LGR4: variants seen among roughly 807,000 people sequenced by gnomAD.
The protein encoded by LGR4 is leucine rich repeat containing G protein-coupled receptor 4.
A neutral mutation model predicts 84.8 loss-of-function variants in LGR4; 44 were observed. That is an observed-to-expected ratio of 0.52 (90% CI 0.41 to 0.67). The LOEUF (loss-of-function observed/expected upper bound fraction) is 0.67. Among genes scored for constraint, LGR4 ranks in the 30% least tolerant of loss-of-function variants. The pLI, the probability that LGR4 is intolerant of heterozygous loss-of-function variation, is 0.00. For missense variants in LGR4, 1,032 were observed against 1,131.4 expected (o/e 0.91, Z 1.26); for synonymous variants, 429 against 434.3 (o/e 0.99, Z 0.15).
At chr11:27,455,051 C>G (rs986937848) in intron 1 of LGR4, among the ~76,000 whole-genome samples, 1 of 152,138 alleles carries the variant, frequency 6.6e-6, no homozygotes, top group Admixed American at 6.5e-5. Flanking sequence ...GTCTTTCTTT[C>G]TTTTTTCCAG....
chr11:27,395,721 T>G (rs1863377863), intron 2 of LGR4, among the ~76,000 whole-genome samples: 1 of 152,200 alleles, frequency 6.6e-6, no homozygotes, highest in Non-Finnish European at 1.5e-5. Context: ...AAACATATCC[T>G]GTGGAGCCTT....
intron 4 of LGR4, among the ~76,000 whole-genome samples, chr11:27,387,438 T>C (rs962502502): frequency 6.6e-6 from 1 of 152,154 alleles, no homozygotes; most frequent in Non-Finnish European, 1.5e-5. Flanking sequence ...AAGAAAAGTA[T>C]TTCTAAGGTG....
At chr11:27,415,340 C>T (rs1863795202) in intron 1 of LGR4, among the ~76,000 whole-genome samples, 1 of 152,070 alleles carries the variant, frequency 6.6e-6, no homozygotes, top group South Asian at 2.1e-4. Context: ...GATTAATTTC[C>T]TCATCAGAAA....
chr11:27,377,440 G>A (rs1237381208), intron 11 of LGR4, among the ~76,000 whole-genome samples: 2 of 151,710 alleles, frequency 1.3e-5, no homozygotes, highest in Non-Finnish European at 2.9e-5. Flanking sequence ...ATATATTGTT[G>A]AGCATAGACA....
intron 1 of LGR4, among the ~76,000 whole-genome samples, chr11:27,448,300 T>C (rs558992819): frequency 1.3e-5 from 2 of 151,678 alleles, no homozygotes; most frequent in East Asian, 1.9e-4. Flanking sequence ...CTTTTCTTTT[T>C]TTTTTTTTGA....
At chr11:27,373,832 A>C in intron 14 of LGR4, 143 bp downstream of exon 14, 1 of 981,028 alleles carries the variant, frequency 1.0e-6, no homozygotes, top group Non-Finnish European at 1.5e-6. Flanking sequence ...CCGTTTAAGA[A>C]GACTTTTACT....
At chr11:27,429,511 A>AGGGGAGGT (rs529212528) in intron 1 of LGR4, among the ~76,000 whole-genome samples, 2,003 of 151,440 alleles carry the variant, frequency 0.013, 22 homozygotes, top group Non-Finnish European at 0.02. Flanking sequence ...AGAAACAGGA[A>AGGGGAGGT]GGGGAGGTGG....
At chr11:27,445,052 G>A (rs1485637552) in intron 1 of LGR4, among the ~76,000 whole-genome samples, 1 of 148,334 alleles carries the variant, frequency 6.7e-6, no homozygotes, top group Non-Finnish European at 1.5e-5. Flanking sequence ...GCAGAACTCG[G>A]GCAGCTGCCC....
intron 1 of LGR4, among the ~76,000 whole-genome samples, chr11:27,413,782 A>C (rs927341116): frequency 6.6e-6 from 1 of 152,164 alleles, no homozygotes; most frequent in African/African-American, 2.4e-5. Flanking sequence ...GGTATGAGGA[A>C]GGAGAAGAGA....
chr11:27,393,945 G>GATT, intron 2 of LGR4, among the ~76,000 whole-genome samples: 1 of 128,534 alleles, frequency 7.8e-6, no homozygotes, highest in East Asian at 2.7e-4. Flanking sequence ...AGATTGGGGG[G>GATT]GGGGGGGGGC....
At chr11:27,375,921 TAAAATAATATTTTAGGTAAAGTCTA>T (rs1565070365) in intron 13 of LGR4, among the ~76,000 whole-genome samples, 1 of 151,892 alleles carries the variant, frequency 6.6e-6, no homozygotes, top group Non-Finnish European at 1.5e-5. Context: ...TTGCAATGTC[TAAAATAATATTTTAGGTAAAGTCTA>T]AAAATAATAT....
chr11:27,418,014 G>A (rs1863853012), intron 1 of LGR4, among the ~76,000 whole-genome samples: 1 of 152,110 alleles, frequency 6.6e-6, no homozygotes, highest in Non-Finnish European at 1.5e-5. Flanking sequence ...TTTACAAGAG[G>A]GAAAGGAGAT....
At chr11:27,446,250 G>C (rs1864388060) in intron 1 of LGR4, among the ~76,000 whole-genome samples, 1 of 152,164 alleles carries the variant, frequency 6.6e-6, no homozygotes, top group African/African-American at 2.4e-5. Flanking sequence ...TCACTCTGAT[G>C]GTAGTTTCTT....
chr11:27,421,576 T>A (rs1241063231), intron 1 of LGR4, among the ~76,000 whole-genome samples: 1 of 152,196 alleles, frequency 6.6e-6, no homozygotes, highest in African/African-American at 2.4e-5. Context: ...AACACTGGTG[T>A]GTAAATATCA....
At chr11:27,378,644 T>C (rs1295672743) in intron 11 of LGR4, 53 bp downstream of exon 11, 2 of 1,196,242 alleles carry the variant, frequency 1.7e-6, no homozygotes, top group Admixed American at 1.8e-5. Context: ...ATTGAACATG[T>C]GTGAATATAT....
intron 1 of LGR4, among the ~76,000 whole-genome samples, chr11:27,416,264 G>A (rs867317318): frequency 1.3e-5 from 2 of 152,218 alleles, no homozygotes; most frequent in Admixed American, 6.5e-5. Context: ...GGGCTTTGGC[G>A]CCAGACAGAC....
intron 2 of LGR4, among the ~76,000 whole-genome samples, chr11:27,401,058 T>C (rs1356977211): frequency 3.9e-5 from 6 of 152,206 alleles, no homozygotes; most frequent in Non-Finnish European, 7.3e-5. Context: ...AAAAATTTTA[T>C]ATGTTTTAAG....
intron 1 of LGR4, among the ~76,000 whole-genome samples, chr11:27,456,736 C>T (rs1412159532): frequency 6.6e-6 from 1 of 151,958 alleles, no homozygotes; most frequent in Non-Finnish European, 1.5e-5. Context: ...GATGTGAAAG[C>T]TTTTAAACAA....
Position 27,377,187 on chromosome 11 carries a change from A to C in LGR4, c.1080T>G (p.Ser360Arg). 1 of 1,590,760 alleles carries C rather than the reference A, an allele frequency of 6.3e-7. No individual in the cohort carries two copies. Among genetic ancestry groups the C allele is most frequent in the Non-Finnish European group, 8.6e-7 (1 of 1,161,598 alleles). ...LSYNNIRDLP[S>R]FNGCHALEEI... ...CTTCCAGAGCATGGCAACCATTAAA[A>C]CTTGGAAGGTCTCTTATATTATTGT... The change falls in exon 12 of 18, where the codon AGT becomes AGG. Residue 360 changes from serine to arginine, a missense_variant. Transcript: ENST00000379214.
Sources: allele counts gnomAD v4.1 joint callset (sites outside exome capture counted in the v4.1 genomes callset), GRCh38; gene constraint gnomAD v4.1.1; transcripts MANE v1.5; gene names NCBI Gene and HGNC (gene_info 2026-07-23, HGNC 2026-07-21).